TAF3: variants seen among roughly 807,000 people sequenced by gnomAD.
The protein encoded by TAF3 is TATA-box binding protein associated factor 3.
TAF3 carries 7 observed loss-of-function variants against 80.6 expected under a neutral mutation model. That is an observed-to-expected ratio of 0.09 (90% CI 0.05 to 0.16). The LOEUF (loss-of-function observed/expected upper bound fraction) is 0.16. TAF3 is among the 10% of genes least tolerant of loss of function. TAF3 has a pLI of 1.00. For synonymous variants in TAF3, 444 were observed against 446.1 expected (o/e 1.00, Z 0.06); for missense variants, 921 against 1,140.2 (o/e 0.81, Z 2.77).
At chr10:8,008,166 G>A (rs1287894982) in intron 4 of TAF3, among the ~76,000 whole-genome samples, 3 of 144,418 alleles carry the variant, frequency 2.1e-5, no homozygotes, top group Admixed American at 1.5e-4. Context: ...GCGAGATCTC[G>A]GCTCACTGTA....
intron 1 of TAF3, among the ~76,000 whole-genome samples, chr10:7,823,006 A>G (rs1373774243): frequency 6.6e-6 from 1 of 152,194 alleles, no homozygotes; most frequent in Non-Finnish European, 1.5e-5. Context: ...CCAGCTACTC[A>G]GAAGGTGAAG....
intron 2 of TAF3, among the ~76,000 whole-genome samples, chr10:7,888,922 GT>G (rs1319643755): frequency 6.6e-6 from 1 of 152,186 alleles, no homozygotes; most frequent in Admixed American, 6.5e-5. Flanking sequence ...TTCCTCCGGT[GT>G]ATATTGTGTC....
chr10:7,989,378 T>G (rs1378193351), intron 4 of TAF3, among the ~76,000 whole-genome samples: 1 of 152,224 alleles, frequency 6.6e-6, no homozygotes, highest in African/African-American at 2.4e-5. Flanking sequence ...GCCCTGAGCC[T>G]AGACCTCTGG....
At chr10:7,882,865 A>AT (rs1837374965) in intron 2 of TAF3, among the ~76,000 whole-genome samples, 1 of 152,220 alleles carries the variant, frequency 6.6e-6, no homozygotes, top group African/African-American at 2.4e-5. Context: ...CTTTACGTAG[A>AT]TTCCCCAAAT....
intron 2 of TAF3, among the ~76,000 whole-genome samples, chr10:7,836,060 T>C (rs747710194): frequency 6.6e-6 from 1 of 152,094 alleles, no homozygotes; most frequent in Non-Finnish European, 1.5e-5. Flanking sequence ...CTTGGGGCCT[T>C]TCTTGGGCAC....
chr10:7,999,210 A>G (rs566794188), intron 4 of TAF3, among the ~76,000 whole-genome samples: 5 of 152,314 alleles, frequency 3.3e-5, no homozygotes, highest in East Asian at 3.9e-4. Context: ...TAGGTATTCT[A>G]TTTAAAGCTG....
chr10:7,956,237 C>T (rs1026852766), intron 2 of TAF3, among the ~76,000 whole-genome samples: 4 of 152,084 alleles, frequency 2.6e-5, no homozygotes, highest in African/African-American at 7.2e-5. Flanking sequence ...CGCCTGTAAT[C>T]CCAGCACTTT....
chr10:7,999,574 A>G (rs913244358), intron 4 of TAF3, among the ~76,000 whole-genome samples: 1 of 149,564 alleles, frequency 6.7e-6, no homozygotes, highest in African/African-American at 2.5e-5. Context: ...CTCCCGCCCC[A>G]GCATCTCAAG....
chr10:7,890,897 A>G (rs951635132), intron 2 of TAF3, among the ~76,000 whole-genome samples: 2 of 152,216 alleles, frequency 1.3e-5, no homozygotes, highest in Non-Finnish European at 2.9e-5. Context: ...TTCCTTGGTT[A>G]ATATTTAATT....
chr10:7,883,114 A>G lies in TAF3; in HGVS notation c.409+58554A>G, dbSNP rs557124506. Among the ~76,000 whole-genome samples the G allele has an allele frequency of 1.6e-4, 24 of 152,340 alleles. No individual in the cohort carries two copies. In the South Asian group the frequency reaches 3.5e-3, roughly 22 times the overall value. On this transcript the variant is annotated intron_variant, in intron 2 of 6. Coordinates refer to ENST00000344293, the MANE Select transcript of TAF3 (RefSeq NM_031923.4). ...AATCCACAAGCTACACTGAGATTAC[A>G]TCAGTTGTCCCAGTGATACCCTCCG...
At chr10:7,897,600 T>G (rs1440243159) in intron 2 of TAF3, among the ~76,000 whole-genome samples, 1 of 152,124 alleles carries the variant, frequency 6.6e-6, no homozygotes, top group African/African-American at 2.4e-5. Context: ...TCTTAGAAGT[T>G]TCCCTGTTTT....
chr10:7,883,261 A>G (rs933659655), intron 2 of TAF3, among the ~76,000 whole-genome samples: 2 of 152,216 alleles, frequency 1.3e-5, no homozygotes, highest in Non-Finnish European at 2.9e-5. Flanking sequence ...TTTGCCTTTC[A>G]TGACCTCACC....
chr10:7,947,193 C>G (rs1053156872), intron 2 of TAF3, among the ~76,000 whole-genome samples: 1 of 152,172 alleles, frequency 6.6e-6, no homozygotes, highest in Non-Finnish European at 1.5e-5. Context: ...ATTGAAATGT[C>G]GGCAGCCCTA....
chr10:7,818,658 C>T lies in TAF3; in HGVS notation c.-52C>T. On this transcript the variant is annotated 5_prime_UTR_variant, in exon 1 of 7. Coordinates refer to ENST00000344293, the MANE Select transcript of TAF3 (RefSeq NM_031923.4). ...CGGGGACCCTGCTAAGGTCTGGCGG[C>T]GGGGCTGGAGAGCAGTGGCAGCAAG... is the stretch of plus-strand genomic sequence containing the variant. The T allele has an allele frequency of 6.4e-7, 1 of 1,572,692 alleles. No homozygotes were observed. Among genetic ancestry groups the T allele is most frequent in the Non-Finnish European group, 8.6e-7 (1 of 1,163,786 alleles).
chr10:7,854,235 C>T (rs1837056827), intron 2 of TAF3, among the ~76,000 whole-genome samples: 2 of 152,188 alleles, frequency 1.3e-5, no homozygotes, highest in Admixed American at 1.3e-4. Flanking sequence ...TAGTACTGCA[C>T]AGGAATTCTG....
chr10:7,959,193 G>T (rs1044983832), intron 2 of TAF3, among the ~76,000 whole-genome samples: 1 of 151,738 alleles, frequency 6.6e-6, no homozygotes, highest in East Asian at 1.9e-4. Context: ...TTTTTCTGAC[G>T]AAGTCCTTTG....
chr10:7,935,924 C>A (rs140271884), intron 2 of TAF3, among the ~76,000 whole-genome samples: 1 of 152,040 alleles, frequency 6.6e-6, no homozygotes. Context: ...ATGGGAAGCT[C>A]GGGGAAGCCC....
chr10:7,891,657 G>T, intron 2 of TAF3, among the ~76,000 whole-genome samples: 1 of 152,078 alleles, frequency 6.6e-6, no homozygotes, highest in South Asian at 2.1e-4. Flanking sequence ...TTTGATTATG[G>T]TATAAGGCAG....
intron 4 of TAF3, among the ~76,000 whole-genome samples, chr10:7,979,083 G>A (rs564383059): frequency 3.9e-5 from 6 of 152,086 alleles, no homozygotes; most frequent in Middle Eastern, 6.8e-3. Context: ...GGTGGCTCAC[G>A]CCTGTAATCC....
Sources: allele counts gnomAD v4.1 joint callset (sites outside exome capture counted in the v4.1 genomes callset), GRCh38; gene constraint gnomAD v4.1.1; transcripts MANE v1.5; gene names NCBI Gene and HGNC (gene_info 2026-07-23, HGNC 2026-07-21).